GPR161: variants seen among roughly 807,000 people sequenced by gnomAD.
The protein encoded by GPR161 is G protein-coupled receptor 161.
Under a neutral mutation model 39.2 loss-of-function variants are expected in GPR161, and 25 were observed. The ratio of observed to expected loss-of-function variants is 0.64; its 90% confidence interval spans 0.47 to 0.89. GPR161 has a LOEUF of 0.89. Among genes scored for constraint, GPR161 ranks in the 40% least tolerant of loss-of-function variants. The pLI, the probability that GPR161 is intolerant of heterozygous loss-of-function variation, is 0.00. For missense variants in GPR161, 547 were observed against 677.8 expected (o/e 0.81, Z 2.14); for synonymous variants, 286 against 276.6 (o/e 1.03, Z -0.34).
chr1:168,113,054 G>A (rs1461860720), intron 1 of GPR161, among the ~76,000 whole-genome samples: 1 of 152,188 alleles, frequency 6.6e-6, no homozygotes, highest in Admixed American at 6.5e-5. Context: ...ATCCCTCAGG[G>A]TGTATCTTTA....
intron 1 of GPR161, 123 bp downstream of exon 1, chr1:168,136,616 G>T (rs1344515318): frequency 2.5e-5 from 31 of 1,228,222 alleles, no homozygotes; most frequent in Non-Finnish European, 3.0e-5. Context: ...AGCGCCGTGG[G>T]GGCGGGGACC....
intron 3 of GPR161, among the ~76,000 whole-genome samples, chr1:168,092,157 G>C (rs1284363519): frequency 2.6e-5 from 4 of 152,212 alleles, no homozygotes; most frequent in Non-Finnish European, 5.9e-5. Flanking sequence ...AGGGAGCTGG[G>C]ACCAGAAAGG....
At chr1:168,099,676 G>A (rs1483196211) in intron 2 of GPR161, among the ~76,000 whole-genome samples, 4 of 152,050 alleles carry the variant, frequency 2.6e-5, no homozygotes, top group South Asian at 2.1e-4. Context: ...ACTGATTTCT[G>A]CCAGCTGCAT....
At chr1:168,117,223 T>G (rs369097933) in intron 1 of GPR161, among the ~76,000 whole-genome samples, 5 of 152,344 alleles carry the variant, frequency 3.3e-5, no homozygotes, top group Admixed American at 2.0e-4. Context: ...TTCTTCCTAT[T>G]AGATTCCTTG....
intron 1 of GPR161, 63 bp from the exon 2 acceptor site, chr1:168,104,957 T>C (rs1404929147): frequency 3.0e-6 from 4 of 1,344,164 alleles, no homozygotes; most frequent in Non-Finnish European, 4.1e-6. Flanking sequence ...CGTCTCCACC[T>C]TAGGGAAGAA....
In GPR161 at chr1:168,096,816, T is replaced by G. The variant is rs1274891012; in HGVS notation, c.791A>C (p.Asn264Thr). 2.5e-6 allele frequency: 4 copies of G among 1,614,092 alleles called. No homozygotes were observed. Among genetic ancestry groups the G allele is most frequent in the Non-Finnish European group, 8.5e-7 (1 of 1,180,012 alleles). Reference protein sequence around the residue: ...NAFQGVVYSANQCKALITILV... With the variant: ...NAFQGVVYSATQCKALITILV... ...GATGGTGATGAGGGCTTTGCACTGG[T>G]TGGCCGAGTAGACCACACCCTGAAA... is the stretch of plus-strand genomic sequence containing the variant. The change falls in exon 3 of 6, where the codon AAC (asparagine) becomes ACC (threonine). Residue 264 changes from asparagine to threonine, a missense_variant. Asn to Thr is a moderately conservative substitution (Grantham distance 65, BLOSUM62 0). Coordinates refer to ENST00000682931, the MANE Select transcript of GPR161 (RefSeq NM_001375883.1).
At chr1:168,107,538 C>A (rs1269636037) in intron 1 of GPR161, among the ~76,000 whole-genome samples, 1 of 152,208 alleles carries the variant, frequency 6.6e-6, no homozygotes. Flanking sequence ...GCGTCCCCAC[C>A]AACAAGAAGG....
At chr1:168,127,258 G>A (rs915137125) in intron 1 of GPR161, among the ~76,000 whole-genome samples, 3 of 152,150 alleles carry the variant, frequency 2.0e-5, no homozygotes, top group Non-Finnish European at 4.4e-5. Context: ...GCTGAGGCAG[G>A]TGGATTGCCT....
chr1:168,085,819 AAGTC>A, intron 5 of GPR161, 23 bp from the exon 6 acceptor site: 1 of 1,597,962 alleles, frequency 6.3e-7, no homozygotes, highest in East Asian at 2.2e-5. Context: ...GCAGAAAAAA[AAGTC>A]AGCTGAGGAG....
chr1:168,093,269 C>A (rs1043324208), intron 3 of GPR161, among the ~76,000 whole-genome samples: 11 of 152,110 alleles, frequency 7.2e-5, no homozygotes, highest in Admixed American at 6.5e-4. Flanking sequence ...GCTAAGGAGA[C>A]CTTACAAGCA....
chr1:168,137,036 C>T, upstream of GPR161: 2 of 841,406 alleles, frequency 2.4e-6, no homozygotes, highest in Non-Finnish European at 2.8e-6. Context: ...TGCCCCGCCC[C>T]GCCCAGCTCC....
At position 168,085,597 on chromosome 1, in the gene GPR161, A is replaced by C; in HGVS notation, c.1524T>G (p.Leu508=). The C allele has an allele frequency of 6.2e-7, 1 of 1,614,034 alleles. No homozygotes were observed. Among genetic ancestry groups the C allele is most frequent in the Non-Finnish European group, 8.5e-7 (1 of 1,179,968 alleles). ...TCTGCAACTGCAGCCTCTGGCTCAC[A>C]AGAGTTCTGCTGCCTCGGCGGCCCC... ...GFGGRRGSRT[L]VSQRLQLQSI... is the part of the protein sequence containing the mutation. Residue 508 remains leucine (L), a synonymous_variant, in exon 6 of 6, where the codon CTT becomes CTG. Transcript: ENST00000682931.
intron 2 of GPR161, among the ~76,000 whole-genome samples, chr1:168,103,825 G>T (rs1017120587): frequency 5.3e-5 from 8 of 152,238 alleles, no homozygotes; most frequent in African/African-American, 1.9e-4. Context: ...GAAACTCGCT[G>T]CCAAAGCCCA....
intron 1 of GPR161, among the ~76,000 whole-genome samples, chr1:168,116,996 C>T (rs1697686631): frequency 6.6e-6 from 1 of 152,136 alleles, no homozygotes; most frequent in Non-Finnish European, 1.5e-5. Context: ...GGCTTTGGTG[C>T]TCTCCACAGA....
At chr1:168,109,596 T>C (rs536640634) in intron 1 of GPR161, among the ~76,000 whole-genome samples, 1 of 152,344 alleles carries the variant, frequency 6.6e-6, no homozygotes, top group Non-Finnish European at 1.5e-5. Context: ...GTCATTTAAC[T>C]TGAGGCTCTG....
chr1:168,126,383 G>A (rs539733487), intron 1 of GPR161, among the ~76,000 whole-genome samples: 63 of 152,256 alleles, frequency 4.1e-4, no homozygotes, highest in Non-Finnish European at 7.2e-4. Context: ...CATCTCCTCC[G>A]GTCTAGGGTT....
intron 1 of GPR161, among the ~76,000 whole-genome samples, chr1:168,133,493 C>T (rs770087055): frequency 3.9e-5 from 6 of 151,918 alleles, no homozygotes; most frequent in Admixed American, 6.5e-5. Flanking sequence ...TATAGGGAAC[C>T]GATACTATGA....
In GPR161 at chr1:168,111,338, T is replaced by C. The variant is rs192498600; in HGVS notation, c.-44-6444A>G. The stretch of plus-strand genomic sequence containing the variant: ...CTAGTTCTGGGATACAGATCCTGAT[T>C]GGTCTAAACTAATCACTATGTTCCC... On this transcript the variant is annotated intron_variant, in intron 1 of 5. Coordinates refer to ENST00000682931, the MANE Select transcript of GPR161 (RefSeq NM_001375883.1). 2.7e-3 allele frequency among the ~76,000 whole-genome samples: 407 copies of C among 152,364 alleles called. 1 individual carries two copies. The highest frequency in any genetic ancestry group is 4.3e-3 in the South Asian group (21 of 4,832).
At chr1:168,117,165 GGATTCTGGGTATA>G (rs1697700600) in intron 1 of GPR161, among the ~76,000 whole-genome samples, 1 of 152,188 alleles carries the variant, frequency 6.6e-6, no homozygotes, top group Non-Finnish European at 1.5e-5. Flanking sequence ...CCAAGCTCTT[GGATTCTGGGTATA>G]GATATTCCCA....
Sources: allele counts gnomAD v4.1 joint callset (sites outside exome capture counted in the v4.1 genomes callset), GRCh38; gene constraint gnomAD v4.1.1; transcripts MANE v1.5; gene names NCBI Gene and HGNC (gene_info 2026-07-23, HGNC 2026-07-21).